The following MOB3B variants were observed in gnomAD, a reference collection of about 807,000 sequenced individuals.
MOB3B encodes MOB kinase activator-like 2B.
In MOB3B, 7 loss-of-function variants were observed where a neutral mutation model predicts 18.7. That is an observed-to-expected ratio of 0.37 (90% CI 0.21 to 0.70). The LOEUF (loss-of-function observed/expected upper bound fraction) is 0.70, where lower values mean the gene tolerates loss of function less well. MOB3B is among the 30% of genes least tolerant of loss of function. MOB3B has a pLI of 0.52. For missense variants in MOB3B, 253 were observed against 281.3 expected, an observed-to-expected ratio of 0.90 and a Z score of 0.72; for synonymous variants, 111 against 99.9, an observed-to-expected ratio of 1.11 and a Z score of -0.66.
chr9:27,442,518 G>GC (rs1366780710), intron 2 of MOB3B, among the ~76,000 whole-genome samples: 1 of 152,222 alleles, frequency 6.6e-6, no homozygotes, highest in African/African-American at 2.4e-5. Flanking sequence ...ACAGTGGGAA[G>GC]CATTGGCAGG....
At chr9:27,398,856 A>G (rs1821837159) in intron 2 of MOB3B, among the ~76,000 whole-genome samples, 1 of 152,230 alleles carries the variant, frequency 6.6e-6, no homozygotes, top group Non-Finnish European at 1.5e-5. Context: ...CTCAAAAGGT[A>G]TATACAATTT....
At chr9:27,495,962 GACA>G (rs2048903075) in intron 1 of MOB3B, among the ~76,000 whole-genome samples, 1 of 152,114 alleles carries the variant, frequency 6.6e-6, no homozygotes, top group Non-Finnish European at 1.5e-5. Flanking sequence ...ATATCACTAG[GACA>G]ACATCATTTA....
intron 1 of MOB3B, among the ~76,000 whole-genome samples, chr9:27,499,145 G>C (rs1054072705): frequency 2.0e-5 from 3 of 152,046 alleles, no homozygotes; most frequent in Non-Finnish European, 4.4e-5. Flanking sequence ...ATTAAAATAA[G>C]AATAATCTAC....
At chr9:27,401,675 A>G (rs942274744) in intron 2 of MOB3B, among the ~76,000 whole-genome samples, 13 of 152,234 alleles carry the variant, frequency 8.5e-5, no homozygotes, top group African/African-American at 3.1e-4. Flanking sequence ...AATGGAGCAC[A>G]TCTAGAAATC....
intron 3 of MOB3B, among the ~76,000 whole-genome samples, chr9:27,347,599 C>T (rs1033519666): frequency 7.2e-5 from 11 of 152,152 alleles, no homozygotes; most frequent in Non-Finnish European, 1.2e-4. Context: ...CAAGGTGTTG[C>T]GTGTAGGATG....
At chr9:27,438,341 C>T (rs1407953607) in intron 2 of MOB3B, among the ~76,000 whole-genome samples, 1 of 152,060 alleles carries the variant, frequency 6.6e-6, no homozygotes, top group East Asian at 1.9e-4. Flanking sequence ...TTGAAATTAC[C>T]GTGCCCAGTC....
chr9:27,331,676 T>A (rs1820792364), intron 3 of MOB3B, among the ~76,000 whole-genome samples: 1 of 152,234 alleles, frequency 6.6e-6, no homozygotes, highest in Admixed American at 6.5e-5. Flanking sequence ...ATGAGCCCTG[T>A]GCCATTTAGC....
intron 2 of MOB3B, among the ~76,000 whole-genome samples, chr9:27,432,967 T>C (rs1226349227): frequency 6.6e-6 from 1 of 152,206 alleles, no homozygotes; most frequent in African/African-American, 2.4e-5. Context: ...GACAGACTGA[T>C]GTTAGAAAAT....
rs779608912 is a variant in MOB3B at position 27,455,453 on chromosome 9, C to T, written c.98G>A (p.Arg33Gln). Reference protein sequence around the residue: ...PGTQRFELHKRAQASLNSGVD... With the variant: ...PGTQRFELHKQAQASLNSGVD... ...ACCCGAGTTGAGGGATGCCTGAGCC[C>T]GTTTGTGCAGCTCAAACCTCTGTGT... The change falls in exon 2 of 4, where the codon CGG (arginine) becomes CAG (glutamine). Residue 33 changes from arginine to glutamine, a missense_variant. Transcript: ENST00000262244. 1.6e-5 allele frequency: 26 copies of T among 1,614,066 alleles called. No individual in the cohort carries two copies. The highest frequency in any genetic ancestry group is 1.6e-4 in the Middle Eastern group (1 of 6,084).
chr9:27,331,482 G>T (rs1298631083), intron 3 of MOB3B, among the ~76,000 whole-genome samples: 1 of 152,208 alleles, frequency 6.6e-6, no homozygotes, highest in Admixed American at 6.5e-5. Context: ...GTGTGTGTGT[G>T]TGTACTGGGG....
In MOB3B at chr9:27,412,859, C is replaced by A. The variant is rs1822091792; in HGVS notation, c.418+42274G>T. 2.6e-5 allele frequency among the ~76,000 whole-genome samples: 4 copies of A among 152,238 alleles called. No homozygotes were observed. The South Asian group carries it at 8.3e-4, about 32-fold the overall frequency. ...TTACACTCTGATGGTTTACTCACAT[C>A]TCCACTGGTGTATATATCCCATGGC... On this transcript the variant is annotated intron_variant, in intron 2 of 3. Transcript: ENST00000262244.
At chr9:27,370,084 T>C (rs112492070) in intron 2 of MOB3B, among the ~76,000 whole-genome samples, 55 of 152,282 alleles carry the variant, frequency 3.6e-4, no homozygotes, top group African/African-American at 1.3e-3. Flanking sequence ...ACGGATTGAA[T>C]GCTTATGCCC....
In MOB3B at chr9:27,439,141, C is replaced by T. The variant is rs186170574; in HGVS notation, c.418+15992G>A. Among the ~76,000 whole-genome samples, 32 of 152,186 alleles carry T rather than the reference C, an allele frequency of 2.1e-4. No individual in the cohort carries two copies. The East Asian group carries it at 3.5e-3, about 17-fold the overall frequency. ...TTATCCTATTAAGACCTTACAGCAA[C>T]CTGAAGACCTAGGTTTCCTGAGGTT... On this transcript the variant is annotated intron_variant, in intron 2 of 3. Coordinates refer to ENST00000262244, the MANE Select transcript of MOB3B (RefSeq NM_024761.5).
At chr9:27,418,091 C>CAAAAAAAAAAAAAAAAAAAA (rs57850999) in intron 2 of MOB3B, among the ~76,000 whole-genome samples, 13 of 44,084 alleles carry the variant, frequency 2.9e-4, no homozygotes, top group Middle Eastern at 0.024. Context: ...GACTCCACCT[C>CAAAAAAAAAAAAAAAAAAAA]AAAAAAAAAA....
Position 27,330,572 on chromosome 9 carries a change from G to C in MOB3B, c.*15C>G. 1 of 1,613,908 alleles carries C rather than the reference G, an allele frequency of 6.2e-7. No individual in the cohort carries two copies. The highest frequency in any genetic ancestry group is 8.5e-7 in the Non-Finnish European group (1 of 1,179,926). On this transcript the variant is annotated 3_prime_UTR_variant, in exon 4 of 4. Transcript: ENST00000262244. Reference sequence around the variant, plus strand: ...GGAAACAGCTTTCCTTTCTTCCAAAGGGTGAGGTGGAGCATTAGTGACACA... The same window carrying C: ...GGAAACAGCTTTCCTTTCTTCCAAACGGTGAGGTGGAGCATTAGTGACACA...
intron 3 of MOB3B, among the ~76,000 whole-genome samples, chr9:27,355,337 T>G (rs1821170016): frequency 6.6e-6 from 1 of 151,904 alleles, no homozygotes; most frequent in Non-Finnish European, 1.5e-5. Flanking sequence ...ACCGGTGGCG[T>G]GGGAACTCTG....
chr9:27,403,239 G>T (rs1356968735), intron 2 of MOB3B, among the ~76,000 whole-genome samples: 3 of 152,194 alleles, frequency 2.0e-5, no homozygotes, highest in African/African-American at 7.2e-5. Context: ...GTAATGGCCA[G>T]TTTATATCTC....
At position 27,354,443 on chromosome 9, in the gene MOB3B, C is replaced by T. The variant is rs551273043; in HGVS notation, c.621+4591G>A. ...AACAGAGAATGACTAAGAGTTGAGG[C>T]CTCGTCTTTCTCTGTGAGACCTAAA... is the stretch of plus-strand genomic sequence containing the variant. On this transcript the variant is annotated intron_variant, in intron 3 of 3. Coordinates refer to ENST00000262244, the MANE Select transcript of MOB3B (RefSeq NM_024761.5). Among the ~76,000 whole-genome samples the T allele has an allele frequency of 3.9e-5, 6 of 152,294 alleles. No homozygotes were observed. The South Asian group carries it at 1.2e-3, about 32-fold the overall frequency.
In MOB3B at chr9:27,463,850, G is replaced by A. The variant is rs544958795; in HGVS notation, c.-198-8102C>T. 1.4e-3 allele frequency among the ~76,000 whole-genome samples: 207 copies of A among 152,072 alleles called. 1 individual carries two copies. The highest frequency in any genetic ancestry group is 4.8e-3 in the African/African-American group (199 of 41,496). On this transcript the variant is annotated intron_variant, in intron 1 of 3. Coordinates refer to ENST00000262244, the MANE Select transcript of MOB3B (RefSeq NM_024761.5). Reference sequence around the variant, plus strand: ...ACACGCCTGTAGTCCCAGCTACTTGGGAGGCTGAGGTGGGAGGATCACCTG... The same window carrying A: ...ACACGCCTGTAGTCCCAGCTACTTGAGAGGCTGAGGTGGGAGGATCACCTG...
Sources: gnomAD v4.1 joint callset for allele counts (sites outside exome capture counted in the v4.1 genomes callset) on GRCh38, gnomAD v4.1.1 for gene constraint, MANE v1.5 for transcripts, NCBI Gene and HGNC (gene_info 2026-07-23, HGNC 2026-07-21) for gene names.